Variants in RNF19B observed in about 807,000 individuals in gnomAD.
RNF19B encodes the protein E3 ubiquitin-protein ligase RNF19B.
RNF19B carries 23 observed loss-of-function variants against 65.5 expected under a neutral mutation model. That is an observed-to-expected ratio of 0.35 (90% confidence interval 0.25 to 0.50). RNF19B has a LOEUF of 0.50. Among genes scored for constraint, RNF19B ranks in the 20% least tolerant of loss-of-function variants. The probability of loss-of-function intolerance (pLI) is 0.98; values close to 1 mark genes in which losing one functional copy is unlikely to be tolerated. For missense variants in RNF19B, 794 were observed against 980.0 expected (o/e 0.81, Z 2.53); for synonymous variants, 372 against 379.6 (o/e 0.98, Z 0.23).
At chr1:32,950,552 CTTCT>C (rs1245644107) in intron 1 of RNF19B, among the ~76,000 whole-genome samples, 3 of 151,306 alleles carry the variant, frequency 2.0e-5, no homozygotes, top group Non-Finnish European at 2.9e-5. Flanking sequence ...TTTTTAATTC[CTTCT>C]TTTTTTTTTT....
rs1318745995 is a variant in RNF19B at position 32,948,292 on chromosome 1, T to A, written c.913A>T (p.Thr305Ser). ...AATTCACAGCCACACACTGCACAGG[T>A]CATGTGATTACAGCTTCCATCATTC... Reference protein sequence around the residue: ...KMNDGSCNHMTCAVCGCEFCW... With the variant: ...KMNDGSCNHMSCAVCGCEFCW... The change falls in exon 3 of 9, where the codon ACC (threonine) becomes TCC (serine). Residue 305 changes from threonine to serine, a missense_variant. Thr to Ser is a moderately conservative substitution (Grantham distance 58, BLOSUM62 1). This residue lies in a region of RNF19B where 52 missense variants were observed against 108.8 expected (regional missense o/e 0.48). Coordinates refer to ENST00000235150, the MANE Select transcript of RNF19B (RefSeq NM_001300826.2). The A allele has an allele frequency of 6.2e-7, 1 of 1,613,934 alleles. No individual in the cohort carries two copies. Among genetic ancestry groups the A allele is most frequent in the Non-Finnish European group, 8.5e-7 (1 of 1,179,956 alleles).
chr1:32,937,400 C>G (rs1192071790), intron 8 of RNF19B, 141 bp from the exon 9 acceptor site: 18 of 1,286,256 alleles, frequency 1.4e-5, no homozygotes, highest in Middle Eastern at 2.0e-4. Context: ...ACAAAAATAA[C>G]ATTTTAATCT....
intron 1 of RNF19B, among the ~76,000 whole-genome samples, chr1:32,951,367 G>A (rs1409013027): frequency 1.3e-5 from 2 of 152,196 alleles, no homozygotes; most frequent in East Asian, 3.8e-4. Flanking sequence ...ACAGCCCACG[G>A]GGCAGCAGGA....
intron 3 of RNF19B, among the ~76,000 whole-genome samples, chr1:32,947,477 G>A (rs889822877): frequency 2.0e-5 from 3 of 152,074 alleles, no homozygotes; most frequent in Non-Finnish European, 2.9e-5. Context: ...TGGCTAACAT[G>A]GTGAAACCCC....
rs1447296688 is a variant in RNF19B at position 32,945,505 on chromosome 1, C to G, written c.1261+9G>C. 1.3e-6 allele frequency: 2 copies of G among 1,567,354 alleles called. No homozygotes were observed. The highest frequency in any genetic ancestry group is 3.3e-5 in the Admixed American group (2 of 59,930). ...TGAGAGAGAAGAGGTGTGGTCCTGA[C>G]TAGCTTACCAACACTAACTGCAGCA... On this transcript the variant is annotated intron_variant, in intron 5 of 8. Coordinates refer to ENST00000235150, the MANE Select transcript of RNF19B (RefSeq NM_001300826.2).
At chr1:32,955,355 T>A (rs1284403968) in intron 1 of RNF19B, among the ~76,000 whole-genome samples, 2 of 151,930 alleles carry the variant, frequency 1.3e-5, no homozygotes, top group African/African-American at 4.8e-5. Flanking sequence ...TATAACCTAA[T>A]CCTAAAATTT....
At chr1:32,940,550 T>C (rs556400227) in intron 7 of RNF19B, among the ~76,000 whole-genome samples, 2 of 152,342 alleles carry the variant, frequency 1.3e-5, no homozygotes, top group South Asian at 4.1e-4. Context: ...ATATTCTCTA[T>C]ACTGAACCAA....
chr1:32,934,229 T>G (rs1484985386), downstream of RNF19B, among the ~76,000 whole-genome samples: 1 of 152,228 alleles, frequency 6.6e-6, no homozygotes, highest in East Asian at 1.9e-4. Flanking sequence ...TTGTCCAGAC[T>G]TGCCATCCTC....
chr1:32,962,032 G>A (rs1395857583), intron 1 of RNF19B, among the ~76,000 whole-genome samples: 1 of 151,904 alleles, frequency 6.6e-6, no homozygotes, highest in East Asian at 1.9e-4. Context: ...GAGTATAGTG[G>A]CCTGATCTCG....
At chr1:32,954,757 T>C (rs1174312620) in intron 1 of RNF19B, among the ~76,000 whole-genome samples, 1 of 145,164 alleles carries the variant, frequency 6.9e-6, no homozygotes, top group Non-Finnish European at 1.5e-5. Flanking sequence ...AAAAAAACAA[T>C]CTCCAAACCT....
intron 1 of RNF19B, among the ~76,000 whole-genome samples, chr1:32,952,261 C>T (rs887647807): frequency 4.0e-5 from 6 of 151,774 alleles, no homozygotes; most frequent in South Asian, 2.1e-4. Context: ...GTCAATTAAG[C>T]GCTCAGATTA....
At chr1:32,935,517 A>G (rs956653800), downstream of RNF19B, among the ~76,000 whole-genome samples, 3 of 150,280 alleles carry the variant, frequency 2.0e-5, no homozygotes, top group African/African-American at 7.6e-5. Context: ...AAGATCAGAT[A>G]AATATGTTCA....
intron 1 of RNF19B, among the ~76,000 whole-genome samples, chr1:32,950,504 T>C (rs983820209): frequency 1.3e-5 from 2 of 152,150 alleles, no homozygotes; most frequent in African/African-American, 4.8e-5. Context: ...AAGAGGACAT[T>C]AGTGAAATAA....
At chr1:32,953,789 T>A (rs1221224735) in intron 1 of RNF19B, among the ~76,000 whole-genome samples, 1 of 151,636 alleles carries the variant, frequency 6.6e-6, no homozygotes, top group Non-Finnish European at 1.5e-5. Context: ...AGTCAACTTC[T>A]AAAGATACAA....
Position 32,936,747 on chromosome 1 carries a change from A to G in RNF19B, c.*59T>C, listed in dbSNP as rs1476098356. On this transcript the variant is annotated 3_prime_UTR_variant, in exon 9 of 9. Transcript: ENST00000235150. ...TCTACCCCTTGGAAAAAAAAAAAAA[A>G]AAATTCCAAAAGATGCAGTTACAAG... The G allele has an allele frequency of 3.5e-6, 5 of 1,436,794 alleles. No individual in the cohort carries two copies. 89.0% of individuals were successfully genotyped at this position (1,436,794 alleles called of 1,614,324 possible).
the RNF19B span, among the ~76,000 whole-genome samples, chr1:32,930,108 A>C: frequency 6.6e-6 from 1 of 152,174 alleles, no homozygotes; most frequent in East Asian, 1.9e-4. Flanking sequence ...TTTTAGTATC[A>C]TGTTTTTAAG....
At chr1:32,943,289 TAATAG>T (rs1218119760) in intron 6 of RNF19B, among the ~76,000 whole-genome samples, 1 of 151,972 alleles carries the variant, frequency 6.6e-6, no homozygotes, top group Non-Finnish European at 1.5e-5. Flanking sequence ...GTGAAGCTCT[TAATAG>T]ATAGTAAGAT....
intron 1 of RNF19B, among the ~76,000 whole-genome samples, chr1:32,958,855 T>C (rs567870995): frequency 2.0e-5 from 3 of 152,266 alleles, no homozygotes; most frequent in African/African-American, 7.2e-5. Flanking sequence ...AGGGGAGTGA[T>C]ACAGATGTTC....
intron 3 of RNF19B, among the ~76,000 whole-genome samples, chr1:32,947,620 C>CT (rs1342144313): frequency 6.7e-6 from 1 of 150,040 alleles, no homozygotes; most frequent in Non-Finnish European, 1.5e-5. Flanking sequence ...GATCGAGCCA[C>CT]TGCACTCCAG....
Sources: gnomAD v4.1 joint callset for allele counts (sites outside exome capture counted in the v4.1 genomes callset) on GRCh38, gnomAD v4.1.1 for gene constraint, gnomAD v4.1.1 regional missense constraint, MANE v1.5 for transcripts, NCBI Gene and HGNC (gene_info 2026-07-23, HGNC 2026-07-21) for gene names.